Variants in CSMD3 observed in about 807,000 individuals in gnomAD.
CSMD3 encodes CUB and Sushi multiple domains 3, also known as CUB and sushi domain-containing protein 3.
A neutral mutation model predicts 435.2 loss-of-function variants in CSMD3; 177 were observed. The observed-to-expected ratio is 0.41, with a 90% CI of 0.36 to 0.46. The LOEUF (loss-of-function observed/expected upper bound fraction) is 0.46. Ranked by LOEUF, CSMD3 falls within the 20% of genes least tolerant of loss-of-function variation. CSMD3 has a pLI of 0.34. For missense variants in CSMD3, 4,265 were observed against 4,504.6 expected, an observed-to-expected ratio of 0.95 and a Z score of 1.52; for synonymous variants, 1,656 against 1,520.5, an observed-to-expected ratio of 1.09 and a Z score of -2.07.
chr8:112,873,989 A>C (rs1490379211), intron 10 of CSMD3, among the ~76,000 whole-genome samples: 1 of 151,732 alleles, frequency 6.6e-6, no homozygotes, highest in African/African-American at 2.4e-5. Flanking sequence ...TAGTTCTTTT[A>C]ATTGTGATGT....
intron 4 of CSMD3, among the ~76,000 whole-genome samples, chr8:113,165,866 G>A: frequency 6.6e-6 from 1 of 152,020 alleles, no homozygotes. Flanking sequence ...ACTCACAAAT[G>A]CAAAATGGGG....
At chr8:112,944,912 T>C (rs907392224) in intron 9 of CSMD3, among the ~76,000 whole-genome samples, 1 of 151,722 alleles carries the variant, frequency 6.6e-6, no homozygotes, top group Non-Finnish European at 1.5e-5. Context: ...ACACATAATT[T>C]TTTAAAGAAA....
chr8:112,707,683 A>G (rs1428061912), intron 13 of CSMD3, among the ~76,000 whole-genome samples: 1 of 152,054 alleles, frequency 6.6e-6, no homozygotes, highest in Non-Finnish European at 1.5e-5. Context: ...TCTATCTTTC[A>G]CGCTCCTGGG....
chr8:112,410,731 A>G (rs1156458609), intron 32 of CSMD3, among the ~76,000 whole-genome samples: 1 of 135,696 alleles, frequency 7.4e-6, no homozygotes, highest in African/African-American at 2.7e-5. Flanking sequence ...TATATAGGAA[A>G]GGTTTTGTTT....
At chr8:112,487,224 G>T (rs1480442537) in intron 31 of CSMD3, among the ~76,000 whole-genome samples, 1 of 152,166 alleles carries the variant, frequency 6.6e-6, no homozygotes, top group East Asian at 1.9e-4. Context: ...TTTTAGAATA[G>T]ATATTGATTC....
At chr8:113,073,804 G>A (rs927725590) in intron 5 of CSMD3, among the ~76,000 whole-genome samples, 7 of 151,470 alleles carry the variant, frequency 4.6e-5, no homozygotes, top group South Asian at 2.1e-4. Flanking sequence ...ATTCGCCTTC[G>A]GAAATGTTGC....
In CSMD3 at chr8:112,289,355, C is replaced by T. The variant is rs2130654031; in HGVS notation, c.9148+10G>A. 6.2e-7 allele frequency: 1 copy of T among 1,611,196 alleles called. No homozygotes were observed. Among genetic ancestry groups the T allele is most frequent in the Non-Finnish European group, 8.5e-7 (1 of 1,177,718 alleles). On this transcript the variant is annotated intron_variant, in intron 57 of 70. Transcript: ENST00000297405. ...TTCCAACACATATTGTCCAATTTTC[C>T]AAGTGGTACCTGAACAATGAGGTTG... is the stretch of plus-strand genomic sequence containing the variant.
rs1346892625 is a variant in CSMD3 at position 112,684,413 on chromosome 8, G to GAGTGA, written c.2482+988_2482+992dup. Among the ~76,000 whole-genome samples the GAGTGA allele has an allele frequency of 3.3e-5, 5 of 152,058 alleles. No individual in the cohort carries two copies. The East Asian group carries it at 9.6e-4, about 29-fold the overall frequency. On this transcript the variant is annotated intron_variant, in intron 15 of 70. Transcript: ENST00000297405. ...CTTAACATTGAATAGGTGAGGGTGGGAGTGAAGTGTGAAATTCTTTTTATA... is the reference window on the plus strand; with the variant it reads ...CTTAACATTGAATAGGTGAGGGTGGGAGTGAAGTGAAGTGTGAAATTCTTTTTATA...
intron 45 of CSMD3, among the ~76,000 whole-genome samples, chr8:112,320,430 A>T (rs1172773865): frequency 6.6e-6 from 1 of 152,086 alleles, no homozygotes; most frequent in Non-Finnish European, 1.5e-5. Context: ...TAAATACTTA[A>T]CTCAATCCTC....
chr8:112,313,764 G>A, intron 49 of CSMD3, 142 bp downstream of exon 49: 3 of 642,128 alleles, frequency 4.7e-6, no homozygotes, highest in Non-Finnish European at 8.4e-6. Context: ...GAAATAGAGA[G>A]GTTACATAAA....
intron 4 of CSMD3, among the ~76,000 whole-genome samples, chr8:113,144,432 G>A (rs927098605): frequency 6.6e-6 from 1 of 151,310 alleles, no homozygotes; most frequent in Admixed American, 6.6e-5. Flanking sequence ...GTTTTCATTT[G>A]GAACTAGAAT....
intron 41 of CSMD3, 151 bp from the exon 42 acceptor site, chr8:112,341,837 T>C (rs1330825404): frequency 1.5e-6 from 1 of 673,514 alleles, no homozygotes; most frequent in Non-Finnish European, 2.7e-6. Flanking sequence ...ATTTGCTGTC[T>C]GCCTAGGACA....
At chr8:112,794,597 G>C (rs1171362324) in intron 13 of CSMD3, among the ~76,000 whole-genome samples, 1 of 151,852 alleles carries the variant, frequency 6.6e-6, no homozygotes, top group Non-Finnish European at 1.5e-5. Context: ...GTCCAGCCTG[G>C]ACTGATAACC....
chr8:113,051,512 C>G (rs1402408381), intron 5 of CSMD3, among the ~76,000 whole-genome samples: 2 of 152,074 alleles, frequency 1.3e-5, no homozygotes, highest in African/African-American at 4.8e-5. Flanking sequence ...AAATTTTACT[C>G]TCTTTGAATT....
intron 32 of CSMD3, among the ~76,000 whole-genome samples, chr8:112,458,053 G>C (rs1419111734): frequency 6.6e-6 from 1 of 151,918 alleles, no homozygotes; most frequent in East Asian, 1.9e-4. Context: ...ATTGAGATTT[G>C]TTTTAATGTG....
chr8:112,386,943 T>C (rs1830029507), intron 36 of CSMD3, among the ~76,000 whole-genome samples: 1 of 152,220 alleles, frequency 6.6e-6, no homozygotes, highest in Non-Finnish European at 1.5e-5. Flanking sequence ...ATATAACTGT[T>C]CAAATTACAT....
chr8:112,661,232 A>T (rs1006505228), intron 17 of CSMD3, among the ~76,000 whole-genome samples: 3 of 152,176 alleles, frequency 2.0e-5, no homozygotes, highest in African/African-American at 7.2e-5. Context: ...CTAGTGTTAC[A>T]TTTTATTAAA....
chr8:112,582,891 TGAG>T (rs1392570757), intron 23 of CSMD3, among the ~76,000 whole-genome samples: 2 of 152,032 alleles, frequency 1.3e-5, no homozygotes, highest in Non-Finnish European at 2.9e-5. Flanking sequence ...AATGACTCTT[TGAG>T]GAAGGTGGCC....
At chr8:113,059,117 A>G (rs979711160) in intron 5 of CSMD3, among the ~76,000 whole-genome samples, 2 of 152,178 alleles carry the variant, frequency 1.3e-5, no homozygotes, top group Non-Finnish European at 2.9e-5. Context: ...GTGATGGTTA[A>G]AAATCTAAAC....
Sources: allele counts gnomAD v4.1 joint callset (sites outside exome capture counted in the v4.1 genomes callset), GRCh38; gene constraint gnomAD v4.1.1; transcripts MANE v1.5; gene names NCBI Gene and HGNC (gene_info 2026-07-23, HGNC 2026-07-21).